Variants in LONRF2 observed in about 807,000 individuals in gnomAD.
The protein encoded by LONRF2 is LON peptidase N-terminal domain and RING finger protein 2.
A neutral mutation model predicts 66.6 loss-of-function variants in LONRF2; 35 were observed. The observed-to-expected ratio is 0.53, with a 90% CI of 0.40 to 0.70. The LOEUF is 0.70. LONRF2 is among the 30% of genes least tolerant of loss of function. The pLI, the probability that LONRF2 is intolerant of heterozygous loss-of-function variation, is 0.00. For synonymous variants in LONRF2, 417 were observed against 418.1 expected, an observed-to-expected ratio of 1.00 and a Z score of 0.03; for missense variants, 902 against 1,002.1, an observed-to-expected ratio of 0.90 and a Z score of 1.35.
At chr2:100,306,146 T>G (rs1051909127) in intron 2 of LONRF2, among the ~76,000 whole-genome samples, 6 of 152,104 alleles carry the variant, frequency 3.9e-5, no homozygotes, top group Non-Finnish European at 5.9e-5. Flanking sequence ...ACTCCTGACC[T>G]CAAGTGATCC....
intron 1 of LONRF2, 141 bp downstream of exon 1, chr2:100,321,274 C>T: frequency 2.7e-6 from 2 of 736,680 alleles, no homozygotes; most frequent in Admixed American, 4.3e-5. Flanking sequence ...TTCACCTTCC[C>T]ATCCTTAGGA....
At position 100,275,943 on chromosome 2, in the gene LONRF2, T is replaced by C. The variant is rs1433840672; in HGVS notation, c.*8355A>G. On this transcript the variant is annotated 3_prime_UTR_variant, in exon 12 of 12. Coordinates refer to ENST00000393437, the MANE Select transcript of LONRF2 (RefSeq NM_198461.4). ...GCATATACATACACATACACACATATATACACATGCAGATAGGCTATTTTA... is the reference window on the plus strand; with the variant it reads ...GCATATACATACACATACACACATACATACACATGCAGATAGGCTATTTTA... 1 of 152,188 alleles carries C rather than the reference T, an allele frequency of 6.6e-6. No individual in the cohort carries two copies. Among genetic ancestry groups the C allele is most frequent in the Admixed American group, 6.5e-5 (1 of 15,274 alleles). 9.4% of individuals were successfully genotyped at this position (152,188 alleles called of 1,614,324 possible). A position where few individuals can be genotyped will look rare whatever the true frequency, so the allele number is the denominator to read the frequency against.
At position 100,272,227 on chromosome 2, in the gene LONRF2, C is replaced by T. The variant is rs541251112; in HGVS notation, c.*12071G>A. Among the ~76,000 whole-genome samples, 1 of 152,336 alleles carries T rather than the reference C, an allele frequency of 6.6e-6. No individual in the cohort carries two copies. ...ATCAAAGAGTATGCAGGGTTAGGTG[C>T]AGTGGCTTATGCCTGCAATCTCACA... On this transcript the variant is annotated 3_prime_UTR_variant, in exon 12 of 12. Transcript: ENST00000393437.
chr2:100,308,230 T>C (rs1052949570), intron 2 of LONRF2, among the ~76,000 whole-genome samples: 35 of 37,400 alleles, frequency 9.4e-4, no homozygotes, highest in African/African-American at 3.7e-3. Context: ...ATTAGCTGGG[T>C]GTGGTAGCAC....
intron 2 of LONRF2, among the ~76,000 whole-genome samples, chr2:100,307,417 C>G (rs1675320799): frequency 6.6e-6 from 1 of 152,192 alleles, no homozygotes; most frequent in Admixed American, 6.5e-5. Context: ...TTAAGTCTAT[C>G]TTTTGTGAGA....
rs759806817 is a variant in LONRF2, at chr2:100,277,013, A to G, written c.*7285T>C. 2.0e-5 allele frequency: 3 copies of G among 152,232 alleles called. No homozygotes were observed. Among genetic ancestry groups the G allele is most frequent in the African/African-American group, 7.2e-5 (3 of 41,462 alleles). The allele number at this position is 152,232 out of a possible 1,614,324, so 9.4% of individuals were successfully genotyped here. On this transcript the variant is annotated 3_prime_UTR_variant, in exon 12 of 12. Transcript: ENST00000393437. ...ACATACAAGTCCAACATCTTTAGAT[A>G]CTTTCGAGGTTCTGATGGCAATGTA... is the stretch of plus-strand genomic sequence containing the variant.
In LONRF2 at chr2:100,278,856, G is replaced by C. The variant is rs1352089028; in HGVS notation, c.*5442C>G. 1 of 152,124 alleles carries C rather than the reference G, an allele frequency of 6.6e-6. No homozygotes were observed. Among genetic ancestry groups the C allele is most frequent in the African/African-American group, 2.4e-5 (1 of 41,386 alleles). 9.4% of individuals were successfully genotyped at this position (152,124 alleles called of 1,614,324 possible). ...AAAGTGGGCACATGACATGTTTGCTGTTCTTCCTTTTAATACTGAGGAGTC... is the reference window on the plus strand; with the variant it reads ...AAAGTGGGCACATGACATGTTTGCTCTTCTTCCTTTTAATACTGAGGAGTC... On this transcript the variant is annotated 3_prime_UTR_variant, in exon 12 of 12. Transcript: ENST00000393437.
chr2:100,298,454 T>C (rs758535644), intron 7 of LONRF2, among the ~76,000 whole-genome samples: 1 of 152,190 alleles, frequency 6.6e-6, no homozygotes. Flanking sequence ...GACTCACCTG[T>C]GGTCAGAAAT....
chr2:100,322,359 A>G lies in LONRF2; in HGVS notation c.-266T>C. The stretch of plus-strand genomic sequence containing the variant: ...GGCCGGGACAGGCACCGCGGGCGCA[A>G]TCTGAGCCCCTGCCCACGCGCAGCG... On this transcript the variant is annotated 5_prime_UTR_variant, in exon 1 of 12. Transcript: ENST00000393437. 3.4e-6 allele frequency: 1 copy of G among 294,564 alleles called. No individual in the cohort carries two copies. Among genetic ancestry groups the G allele is most frequent in the East Asian group, 5.9e-5 (1 of 17,034 alleles). The allele number at this position is 294,564 out of a possible 1,614,324, so 18.2% of individuals were successfully genotyped here. A position where few individuals can be genotyped will look rare whatever the true frequency, so the allele number is the denominator to read the frequency against.
chr2:100,294,259 A>G lies in LONRF2; in HGVS notation c.1727T>C (p.Phe576Ser), dbSNP rs961063650. 2.5e-6 allele frequency: 4 copies of G among 1,605,680 alleles called. No individual in the cohort carries two copies. Among genetic ancestry groups the G allele is most frequent in the Non-Finnish European group, 3.4e-6 (4 of 1,177,106 alleles). ...RRCMETGTKR[F>S]GMCLSAEHAG... ...GTGCTCAGCAGATAAACACATGCCAAACCGCTTGGTGCCAGTTTCCATGCA... is the reference window on the plus strand; with the variant it reads ...GTGCTCAGCAGATAAACACATGCCAGACCGCTTGGTGCCAGTTTCCATGCA... The change falls in exon 9 of 12, where the codon TTT becomes TCT. Residue 576 changes from phenylalanine (F) to serine (S), a missense_variant. This residue lies in a region of LONRF2 where 317 missense variants were observed against 432.2 expected (regional missense o/e 0.73). Transcript: ENST00000393437.
At position 100,283,751 on chromosome 2, in the gene LONRF2, G is replaced by C. The variant is rs1233030603; in HGVS notation, c.*547C>G. 6.6e-6 allele frequency: 1 copy of C among 152,268 alleles called. No homozygotes were observed. The highest frequency in any genetic ancestry group is 2.4e-5 in the African/African-American group (1 of 41,450). The allele number at this position is 152,268 out of a possible 1,614,324, so 9.4% of individuals were successfully genotyped here. ...CCAGAGGCTACTACTTCTTGGGTAA[G>C]GACTAGTTTGGGCTCCTGCACTGAA... On this transcript the variant is annotated 3_prime_UTR_variant, in exon 12 of 12. Coordinates refer to ENST00000393437, the MANE Select transcript of LONRF2 (RefSeq NM_198461.4).
At chr2:100,320,011 G>C (rs968900382) in intron 1 of LONRF2, among the ~76,000 whole-genome samples, 1 of 152,128 alleles carries the variant, frequency 6.6e-6, no homozygotes, top group Non-Finnish European at 1.5e-5. Context: ...TATTTCTGAT[G>C]AAAATTTGAT....
chr2:100,321,984 C>T lies in LONRF2; in HGVS notation c.110G>A (p.Gly37Asp). ...GAGCTCGGCTGCCATCTCGTAGTCGCCCGCGCGGAAGGCCTCGTCGCCCTC... is the reference window on the plus strand; with the variant it reads ...GAGCTCGGCTGCCATCTCGTAGTCGTCCGCGCGGAAGGCCTCGTCGCCCTC... ...LEEGDEAFRA[G>D]DYEMAAELFR... The change falls in exon 1 of 12, where the codon GGC (glycine) becomes GAC (aspartate). Residue 37 changes from glycine to aspartate, a missense_variant. Physicochemically the swap from Gly to Asp is moderately conservative, Grantham distance 94 (BLOSUM62 -1). Coordinates refer to ENST00000393437, the MANE Select transcript of LONRF2 (RefSeq NM_198461.4). The T allele has an allele frequency of 6.8e-7, 1 of 1,465,252 alleles. No homozygotes were observed. Among genetic ancestry groups the T allele is most frequent in the South Asian group, 1.3e-5 (1 of 76,526 alleles). 90.8% of individuals were successfully genotyped at this position (1,465,252 alleles called of 1,614,324 possible).
At chr2:100,318,906 C>T (rs986188062) in intron 1 of LONRF2, among the ~76,000 whole-genome samples, 27 of 150,754 alleles carry the variant, frequency 1.8e-4, no homozygotes, top group African/African-American at 6.1e-4. Context: ...CTGAGGCGGG[C>T]GGATCACAAG....
At chr2:100,284,718 A>G (rs879405673) in intron 11 of LONRF2, among the ~76,000 whole-genome samples, 3 of 152,244 alleles carry the variant, frequency 2.0e-5, no homozygotes, top group Non-Finnish European at 4.4e-5. Flanking sequence ...AAAGAGAAGC[A>G]TCTTCCATGG....
rs935795251 is a variant in LONRF2 at position 100,322,156 on chromosome 2, T to C, written c.-63A>G. On this transcript the variant is annotated 5_prime_UTR_variant, in exon 1 of 12. Coordinates refer to ENST00000393437, the MANE Select transcript of LONRF2 (RefSeq NM_198461.4). ...GCGCGGAGCAGGGAGGATGCGCTGC[T>C]GCTGGGAACTGGCCGGCGGGAGCGC... 11 of 1,180,312 alleles carry C rather than the reference T, an allele frequency of 9.3e-6. No homozygotes were observed. The Admixed American group carries it at 2.3e-4, about 24-fold the overall frequency. 73.1% of individuals were successfully genotyped at this position (1,180,312 alleles called of 1,614,324 possible). A position where few individuals can be genotyped will look rare whatever the true frequency, so the allele number is the denominator to read the frequency against.
intron 7 of LONRF2, 103 bp downstream of exon 7, chr2:100,298,733 T>C: frequency 1.3e-6 from 1 of 769,142 alleles, no homozygotes; most frequent in African/African-American, 1.7e-5. Context: ...GAAATCTCAG[T>C]TTCTTTAACA....
At chr2:100,296,326 G>A (rs1257671699) in intron 7 of LONRF2, among the ~76,000 whole-genome samples, 5 of 152,170 alleles carry the variant, frequency 3.3e-5, no homozygotes, top group African/African-American at 1.2e-4. Context: ...AGGGACCACT[G>A]CAGGTGCTTT....
intron 2 of LONRF2, among the ~76,000 whole-genome samples, 200 bp from the exon 3 acceptor site, chr2:100,303,243 A>G (rs1210377521): frequency 6.6e-6 from 1 of 152,234 alleles, no homozygotes; most frequent in Non-Finnish European, 1.5e-5. Context: ...GCTCATAAAT[A>G]CAATCTACAG....
Sources: allele counts gnomAD v4.1 joint callset (sites outside exome capture counted in the v4.1 genomes callset), GRCh38; gene constraint gnomAD v4.1.1; regional missense constraint gnomAD v4.1.1; transcripts MANE v1.5; gene names NCBI Gene and HGNC (gene_info 2026-07-23, HGNC 2026-07-21).